Variants in RGS6 observed in about 807,000 individuals in gnomAD.
The protein encoded by RGS6 is regulator of G protein signaling 6, also known as regulator of G-protein signaling 6.
Under a neutral mutation model 78.5 loss-of-function variants are expected in RGS6, and 30 were observed. The ratio of observed to expected loss-of-function variants is 0.38; its 90% CI spans 0.29 to 0.52. The LOEUF is 0.52. RGS6 is among the 20% of genes least tolerant of loss of function. The pLI is 0.85. For missense variants in RGS6, 495 were observed against 609.7 expected (o/e 0.81, Z 1.98); for synonymous variants, 206 against 206.0 (o/e 1.00, Z 0.00).
chr14:72,261,421 A>G (rs1335877135), intron 2 of RGS6, among the ~76,000 whole-genome samples: 1 of 152,024 alleles, frequency 6.6e-6, no homozygotes, highest in Non-Finnish European at 1.5e-5. Flanking sequence ...GTTGGATATG[A>G]GATTGAAGTT....
Position 72,522,162 on chromosome 14 carries a change from G to A in RGS6, c.1278+3625G>A, listed in dbSNP as rs1048405398. ...CAAATCCAAAATTAAGGTGTCAGCAGATTTGGTTGCTGGTGAGGGCTCACT... is the reference window on the plus strand; with the variant it reads ...CAAATCCAAAATTAAGGTGTCAGCAAATTTGGTTGCTGGTGAGGGCTCACT... On this transcript the variant is annotated intron_variant, in intron 15 of 17. Transcript: ENST00000553525. Among the ~76,000 whole-genome samples, 39 of 152,322 alleles carry A rather than the reference G, an allele frequency of 2.6e-4. 1 individual carries two copies. Among genetic ancestry groups the A allele is most frequent in the Admixed American group, 3.9e-4 (6 of 15,304 alleles).
intron 2 of RGS6, among the ~76,000 whole-genome samples, chr14:72,241,159 A>AG: frequency 6.6e-6 from 1 of 151,756 alleles, no homozygotes; most frequent in African/African-American, 2.4e-5. Context: ...CTGTCTCAAA[A>AG]AAAAAAAAAA....
chr14:71,891,378 C>T, the RGS6 span, among the ~76,000 whole-genome samples: 1 of 152,194 alleles, frequency 6.6e-6, no homozygotes, highest in Non-Finnish European at 1.5e-5. Flanking sequence ...CCATGGCTGG[C>T]AGTTGATGCT....
chr14:72,163,448 G>A (rs2096880194), intron 2 of RGS6, among the ~76,000 whole-genome samples: 1 of 152,216 alleles, frequency 6.6e-6, no homozygotes, highest in Non-Finnish European at 1.5e-5. Context: ...TTTGAGGCAG[G>A]TACCGGACTC....
chr14:71,980,457 G>A (rs2094391318), intron 2 of RGS6, among the ~76,000 whole-genome samples: 1 of 144,350 alleles, frequency 6.9e-6, no homozygotes, highest in South Asian at 2.4e-4. Context: ...GGCAGGCCTG[G>A]TGGTGACAAA....
At chr14:71,972,836 G>A (rs1388522178) in intron 2 of RGS6, among the ~76,000 whole-genome samples, 12 of 152,162 alleles carry the variant, frequency 7.9e-5, no homozygotes, top group Non-Finnish European at 4.4e-5. Context: ...CTGAGAAGAC[G>A]TAGGGAGAAT....
chr14:72,149,799 A>G (rs1295355253), intron 2 of RGS6, among the ~76,000 whole-genome samples: 1 of 152,238 alleles, frequency 6.6e-6, no homozygotes, highest in African/African-American at 2.4e-5. Flanking sequence ...TTTAAATTGT[A>G]GACATATTCA....
At chr14:72,427,731 T>C (rs2094485758) in intron 3 of RGS6, among the ~76,000 whole-genome samples, 1 of 152,186 alleles carries the variant, frequency 6.6e-6, no homozygotes. Context: ...GGTGACACCA[T>C]TATCCATGAA....
intron 3 of RGS6, among the ~76,000 whole-genome samples, chr14:72,403,310 A>C (rs2092636611): frequency 6.6e-6 from 1 of 152,270 alleles, no homozygotes; most frequent in African/African-American, 2.4e-5. Flanking sequence ...AACATGGATG[A>C]GCCTGGAGGA....
At chr14:72,543,389 T>A (rs1371924150) in intron 17 of RGS6, among the ~76,000 whole-genome samples, 1 of 152,132 alleles carries the variant, frequency 6.6e-6, no homozygotes, top group Non-Finnish European at 1.5e-5. Flanking sequence ...CACAGCAGCT[T>A]CTCCAGGGCC....
At chr14:72,187,986 T>G (rs1289821408) in intron 2 of RGS6, among the ~76,000 whole-genome samples, 1 of 152,186 alleles carries the variant, frequency 6.6e-6, no homozygotes, top group Non-Finnish European at 1.5e-5. Context: ...ACAACTCTCC[T>G]TTTTGTGGTC....
intron 2 of RGS6, among the ~76,000 whole-genome samples, chr14:72,064,273 C>A (rs139299156): frequency 2.8e-4 from 42 of 152,060 alleles, no homozygotes; most frequent in African/African-American, 1.0e-3. Flanking sequence ...GGGAACGGAC[C>A]ATGGAGAGGA....
At chr14:72,109,808 T>C (rs1418130286) in intron 2 of RGS6, among the ~76,000 whole-genome samples, 2 of 152,200 alleles carry the variant, frequency 1.3e-5, no homozygotes, top group East Asian at 1.9e-4. Flanking sequence ...TGAAATGCTG[T>C]GTATAACAAA....
At chr14:72,398,905 T>C (rs527655546) in intron 3 of RGS6, among the ~76,000 whole-genome samples, 29 of 152,274 alleles carry the variant, frequency 1.9e-4, no homozygotes, top group African/African-American at 7.0e-4. Flanking sequence ...GATTGCACTG[T>C]GGTGTGAGAG....
intron 6 of RGS6, among the ~76,000 whole-genome samples, chr14:72,460,224 A>G (rs2095744237): frequency 6.6e-6 from 1 of 152,362 alleles, no homozygotes; most frequent in Non-Finnish European, 1.5e-5. Flanking sequence ...GTCTCTCTAG[A>G]CAGGGACCTA....
At chr14:72,448,204 C>A (rs141184100) in intron 3 of RGS6, among the ~76,000 whole-genome samples, 328 of 152,320 alleles carry the variant, frequency 2.2e-3, no homozygotes, top group East Asian at 0.016. Context: ...AGTGATGTAC[C>A]ATGAGTTGCT....
At chr14:72,229,763 A>C (rs557785914) in intron 2 of RGS6, among the ~76,000 whole-genome samples, 1 of 152,362 alleles carries the variant, frequency 6.6e-6, no homozygotes, top group East Asian at 1.9e-4. Flanking sequence ...GGACTCAAAC[A>C]ATATGATCAA....
At chr14:71,890,980 G>A in the RGS6 span, among the ~76,000 whole-genome samples, 2 of 152,170 alleles carry the variant, frequency 1.3e-5, no homozygotes, top group South Asian at 2.1e-4. Flanking sequence ...AGATTCTAGA[G>A]TGAAGGGGTG....
intron 2 of RGS6, among the ~76,000 whole-genome samples, chr14:72,016,041 C>T (rs761455991): frequency 8.6e-5 from 13 of 152,044 alleles, no homozygotes; most frequent in South Asian, 8.3e-4. Context: ...ATTAAACAGC[C>T]GTGCTAAATT....
Sources: gnomAD v4.1 joint callset for allele counts (sites outside exome capture counted in the v4.1 genomes callset) on GRCh38, gnomAD v4.1.1 for gene constraint, MANE v1.5 for transcripts, NCBI Gene and HGNC (gene_info 2026-07-23, HGNC 2026-07-21) for gene names.